Variants in PTK7 observed in about 807,000 individuals in gnomAD.
The protein encoded by PTK7 is protein tyrosine kinase 7 (inactive).
A neutral mutation model predicts 116.6 loss-of-function variants in PTK7; 39 were observed. The observed-to-expected ratio is 0.33, with a 90% CI of 0.26 to 0.44. The LOEUF is 0.44. PTK7 is among the 20% of genes least tolerant of loss of function. PTK7 has a pLI of 1.00. For missense variants in PTK7, 1,169 were observed against 1,425.6 expected, an observed-to-expected ratio of 0.82 and a Z score of 2.90; for synonymous variants, 546 against 563.6, an observed-to-expected ratio of 0.97 and a Z score of 0.44.
At chr6:43,146,098 C>T (rs937096930) in intron 16 of PTK7, 1 of 153,670 alleles carries the variant, frequency 6.5e-6, no homozygotes, top group South Asian at 2.0e-4. Context: ...GAGACTGAGG[C>T]AGGAGGATCG....
chr6:43,126,187 G>A (rs1396868511), intron 1 of PTK7, among the ~76,000 whole-genome samples: 1 of 152,142 alleles, frequency 6.6e-6, no homozygotes, highest in Non-Finnish European at 1.5e-5. Flanking sequence ...AGGTGTGGTG[G>A]TGCGTAGCTG....
Position 43,143,704 on chromosome 6 carries a change from C to T in PTK7, c.2251+84C>T. On this transcript the variant is annotated intron_variant, in intron 14 of 19. Transcript: ENST00000230419. This position sits in a 1 kb window ranked among gnomAD's most constrained non-coding sequence, Gnocchi z 4.2. Reference sequence around the variant, plus strand: ...GGCCACGGAGGGGAGAGCGCCAGCACTCTGGAAACCGAGCGGCTGTTGCTG... The same window carrying T: ...GGCCACGGAGGGGAGAGCGCCAGCATTCTGGAAACCGAGCGGCTGTTGCTG... The T allele has an allele frequency of 7.0e-7, 1 of 1,434,360 alleles. No individual in the cohort carries two copies. The highest frequency in any genetic ancestry group is 9.4e-7 in the Non-Finnish European group (1 of 1,064,196). The allele number at this position is 1,434,360 out of a possible 1,614,324, so 88.9% of individuals were successfully genotyped here.
At chr6:43,084,993 A>G (rs1766575794) in intron 1 of PTK7, among the ~76,000 whole-genome samples, 1 of 152,226 alleles carries the variant, frequency 6.6e-6, no homozygotes, top group South Asian at 2.1e-4. Flanking sequence ...AGAGACATCT[A>G]TAGACCTGTG....
At chr6:43,118,514 T>TGAGTGA (rs1377913602) in intron 1 of PTK7, among the ~76,000 whole-genome samples, 1 of 151,472 alleles carries the variant, frequency 6.6e-6, no homozygotes, top group African/African-American at 2.4e-5. Context: ...CCAGCCTGGA[T>TGAGTGA]GACAGAGTGA....
chr6:43,116,656 G>A (rs200916661), intron 1 of PTK7, among the ~76,000 whole-genome samples: 15 of 127,812 alleles, frequency 1.2e-4, no homozygotes, highest in South Asian at 2.5e-4. Context: ...GTGTGTGCGC[G>A]CGCACGCACG....
intron 17 of PTK7, among the ~76,000 whole-genome samples, chr6:43,155,726 C>G (rs1315178819): frequency 1.3e-5 from 2 of 151,802 alleles, no homozygotes; most frequent in Non-Finnish European, 2.9e-5. Flanking sequence ...GCTCAAAATT[C>G]TAAAAAGAGT....
chr6:43,099,407 A>C (rs1290776433), intron 1 of PTK7, among the ~76,000 whole-genome samples: 2 of 151,994 alleles, frequency 1.3e-5, no homozygotes, highest in East Asian at 1.9e-4. Flanking sequence ...TAATTAAAAA[A>C]ATTTTTTTAT....
At chr6:43,092,410 CCTA>C (rs766434802) in intron 1 of PTK7, among the ~76,000 whole-genome samples, 4 of 152,110 alleles carry the variant, frequency 2.6e-5, no homozygotes, top group Non-Finnish European at 4.4e-5. Flanking sequence ...AAGCAATCCT[CCTA>C]CTACCTCAGC....
In PTK7 at chr6:43,138,926, C is replaced by A; in HGVS notation, c.1306C>A (p.Gln436Lys). 6.2e-7 allele frequency: 1 copy of A among 1,614,182 alleles called. No homozygotes were observed. The highest frequency in any genetic ancestry group is 1.7e-5 in the Admixed American group (1 of 60,030). ...ACCCGGCTACTTGGATTGCCTGACC[C>A]AGGCCACACCAAAACCTACAGTTGT... ...GKPGYLDCLT[Q>K]ATPKPTVVWY... is the part of the protein sequence containing the mutation. Residue 436 changes from glutamine to lysine, a missense_variant, in exon 8 of 20, where the codon CAG becomes AAG. By Grantham distance (53) the Gln-to-Lys change is moderately conservative (BLOSUM62 1). Transcript: ENST00000230419.
intron 17 of PTK7, among the ~76,000 whole-genome samples, chr6:43,154,467 A>G (rs1271907976): frequency 2.0e-5 from 3 of 152,252 alleles, no homozygotes; most frequent in Non-Finnish European, 4.4e-5. Flanking sequence ...ATCACAACCC[A>G]ATACACACAT....
chr6:43,089,605 A>G (rs968413211), intron 1 of PTK7, among the ~76,000 whole-genome samples: 1 of 152,254 alleles, frequency 6.6e-6, no homozygotes, highest in Non-Finnish European at 1.5e-5. Flanking sequence ...CCTTTAGCAG[A>G]TTAAACCAGT....
intron 1 of PTK7, among the ~76,000 whole-genome samples, chr6:43,085,209 G>A (rs1454381122): frequency 6.6e-6 from 1 of 152,154 alleles, no homozygotes; most frequent in Non-Finnish European, 1.5e-5. Context: ...AGCCCCTCTG[G>A]CTAGCCCTGA....
At position 43,142,154 on chromosome 6, in the gene PTK7, T is replaced by C. The variant is rs764832306; in HGVS notation, c.1920-18T>C. On this transcript the variant is annotated intron_variant, in intron 12 of 19. Coordinates refer to ENST00000230419, the MANE Select transcript of PTK7 (RefSeq NM_002821.5). ...CCTCCCTGCGAGCTGGCCAGCACTA[T>C]GGCTTCTCCCCCGACAGGATGCACA... The C allele has an allele frequency of 1.2e-6, 2 of 1,613,786 alleles. No homozygotes were observed. Among genetic ancestry groups the C allele is most frequent in the Admixed American group, 3.3e-5 (2 of 59,986 alleles).
chr6:43,091,898 T>C (rs1014769107), intron 1 of PTK7, among the ~76,000 whole-genome samples: 1 of 152,220 alleles, frequency 6.6e-6, no homozygotes, highest in Non-Finnish European at 1.5e-5. Flanking sequence ...AGTCCTGCTC[T>C]GTGGCCTAGG....
chr6:43,130,165 C>T (rs1436529150), intron 3 of PTK7, 65 bp from the exon 4 acceptor site: 14 of 1,458,080 alleles, frequency 9.6e-6, no homozygotes, highest in Non-Finnish European at 1.2e-5. Flanking sequence ...CCCTCTGATA[C>T]TGTATCCTCT....
At position 43,132,582 on chromosome 6, in the gene PTK7, G is replaced by A. The variant is rs768148052; in HGVS notation, c.1123G>A (p.Glu375Lys). The A allele has an allele frequency of 1.1e-5, 18 of 1,612,948 alleles. No homozygotes were observed. The Admixed American group carries it at 1.8e-4, about 16-fold the overall frequency. The change falls in exon 7 of 20, where the codon GAG (glutamate) becomes AAG (lysine). Residue 375 changes from glutamate (E) to lysine (K), a missense_variant. Physicochemically the swap from Glu to Lys is moderately conservative, Grantham distance 56. Transcript: ENST00000230419. ...TGGCAGGGTCTACCAGAAGGGCCAC[G>A]AGCTGGTGTTGGCCAATATTGCTGA... ...THGRVYQKGH[E>K]LVLANIAESD...
Position 43,145,521 on chromosome 6 carries a change from A to G in PTK7, c.2640+89A>G. On this transcript the variant is annotated intron_variant, in intron 16 of 19. Coordinates refer to ENST00000230419, the MANE Select transcript of PTK7 (RefSeq NM_002821.5). This position sits in a 1 kb window ranked among gnomAD's most constrained non-coding sequence, Gnocchi z 4.8. ...AGTCAGTGGTTGGAGCACCGTGAAA[A>G]CCTTGTCTCGTGCAGTCTCAGCCGA... is the stretch of plus-strand genomic sequence containing the variant. 8.8e-7 allele frequency: 1 copy of G among 1,130,426 alleles called. No individual in the cohort carries two copies. Among genetic ancestry groups the G allele is most frequent in the South Asian group, 2.0e-5 (1 of 49,306 alleles). 70.0% of individuals were successfully genotyped at this position (1,130,426 alleles called of 1,614,324 possible). A position where few individuals can be genotyped will look rare whatever the true frequency, so the allele number is the denominator to read the frequency against.
chr6:43,131,904 T>C, intron 5 of PTK7, 112 bp from the exon 6 acceptor site: 2 of 1,430,824 alleles, frequency 1.4e-6, no homozygotes, highest in Non-Finnish European at 1.9e-6. Flanking sequence ...GCCCTGTTCC[T>C]GGTCGATTCC....
chr6:43,129,558 G>A lies in PTK7; in HGVS notation c.368-169G>A, dbSNP rs1315972624. The A allele has an allele frequency of 5.8e-6, 4 of 684,582 alleles. No individual in the cohort carries two copies. Among genetic ancestry groups the A allele is most frequent in the Non-Finnish European group, 9.8e-6 (4 of 409,940 alleles). 42.4% of individuals were successfully genotyped at this position (684,582 alleles called of 1,614,324 possible). On this transcript the variant is annotated intron_variant, in intron 2 of 19. Transcript: ENST00000230419. This position sits in a 1 kb window ranked among gnomAD's most constrained non-coding sequence, Gnocchi z 4.5. ...GACTTGACCTGCCAGGGACCAGGCA[G>A]GCACTTAGTATCTGGTAACTGTAGC...
Sources: allele counts gnomAD v4.1 joint callset (sites outside exome capture counted in the v4.1 genomes callset), GRCh38; gene constraint gnomAD v4.1.1; non-coding constraint Gnocchi (gnomAD v3.1); transcripts MANE v1.5; gene names NCBI Gene and HGNC (gene_info 2026-07-23, HGNC 2026-07-21).